Variants in PLEKHM2 observed in about 807,000 individuals in gnomAD.
PLEKHM2 encodes pleckstrin homology and RUN domain containing M2.
In PLEKHM2, 77 loss-of-function variants were observed where a neutral mutation model predicts 116.3. That is an observed-to-expected ratio of 0.66 (90% CI 0.55 to 0.80). The LOEUF (loss-of-function observed/expected upper bound fraction) is 0.80. Ranked by LOEUF, PLEKHM2 falls within the 30% of genes least tolerant of loss-of-function variation. The pLI, the probability that PLEKHM2 is intolerant of heterozygous loss-of-function variation, is 0.00. For synonymous variants in PLEKHM2, 562 were observed against 571.0 expected, an observed-to-expected ratio of 0.98 and a Z score of 0.22; for missense variants, 1,183 against 1,354.9, an observed-to-expected ratio of 0.87 and a Z score of 1.99.
chr1:15,729,775 A>G lies in PLEKHM2; in HGVS notation c.2076-22A>G. Reference sequence around the variant, plus strand: ...AGGCCCTGTTCCCAGGCCTCTAACCACAAACCTCACTCCCTATGCAGGTTC... The same window carrying G: ...AGGCCCTGTTCCCAGGCCTCTAACCGCAAACCTCACTCCCTATGCAGGTTC... On this transcript the variant is annotated intron_variant, in intron 13 of 19. Coordinates refer to ENST00000375799, the MANE Select transcript of PLEKHM2 (RefSeq NM_015164.4). This position sits in a 1 kb window ranked among gnomAD's most constrained non-coding sequence, Gnocchi z 4.7. 4 of 1,601,954 alleles carry G rather than the reference A, an allele frequency of 2.5e-6. 1 individual carries two copies. The highest frequency in any genetic ancestry group is 3.4e-6 in the Non-Finnish European group (4 of 1,174,918).
chr1:15,699,050 C>T (rs1220437089), intron 1 of PLEKHM2, among the ~76,000 whole-genome samples: 6 of 152,042 alleles, frequency 3.9e-5, no homozygotes, highest in African/African-American at 4.8e-5. Context: ...GTAGGCTTGA[C>T]GCAGTGGCTC....
chr1:15,684,278 G>A (rs1640708753), upstream of PLEKHM2: 2 of 152,794 alleles, frequency 1.3e-5, no homozygotes, highest in African/African-American at 2.4e-5. Context: ...CCCTGGCGCC[G>A]CCCCGCCTGA....
chr1:15,724,030 G>A (rs2068028866), intron 7 of PLEKHM2, among the ~76,000 whole-genome samples: 1 of 152,180 alleles, frequency 6.6e-6, no homozygotes, highest in Non-Finnish European at 1.5e-5. Context: ...CTGGCCGTAT[G>A]GGCTGTGTGC....
chr1:15,728,707 T>C lies in PLEKHM2; in HGVS notation c.1960T>C (p.Ser654Pro), dbSNP rs770771715. 6.2e-7 allele frequency: 1 copy of C among 1,611,606 alleles called. No individual in the cohort carries two copies. Among genetic ancestry groups the C allele is most frequent in the Non-Finnish European group, 8.5e-7 (1 of 1,178,890 alleles). The change falls in exon 12 of 20, where the codon TCT (serine) becomes CCT (proline). Residue 654 changes from serine to proline, a missense_variant. By Grantham distance (74) the Ser-to-Pro change is moderately conservative. Coordinates refer to ENST00000375799, the MANE Select transcript of PLEKHM2 (RefSeq NM_015164.4). This position sits in a 1 kb window ranked among gnomAD's most constrained non-coding sequence, Gnocchi z 5.9. ...GCCATACCTGGTGGAAGAGGCCGTTTCTTACAATGAACTTGACTATGTGTC... is the reference window on the plus strand; with the variant it reads ...GCCATACCTGGTGGAAGAGGCCGTTCCTTACAATGAACTTGACTATGTGTC... ...EKPYLVEEAV[S>P]YNELDYVSVG...
chr1:15,730,065 CGGGGCGGGGCGGGG>C, intron 14 of PLEKHM2, 136 bp downstream of exon 14: 1 of 43,436 alleles, frequency 2.3e-5, no homozygotes, highest in South Asian at 2.8e-4. Context: ...CGGGGCGGGG[CGGGGCGGGGCGGGG>C]CTTTCCCACC....
At position 15,721,142 on chromosome 1, in the gene PLEKHM2, G is replaced by A. The variant is rs867607273; in HGVS notation, c.653-187G>A. On this transcript the variant is annotated intron_variant, in intron 6 of 19. Coordinates refer to ENST00000375799, the MANE Select transcript of PLEKHM2 (RefSeq NM_015164.4). This position sits in a 1 kb window ranked among gnomAD's most constrained non-coding sequence, Gnocchi z 5.1. ...GCTGGTTGGAGGCTCCTGGGCCAGC[G>A]CCTGAGCTGAGAGGCAGTCAGGGCC... The A allele has an allele frequency of 1.2e-5, 7 of 570,054 alleles. No individual in the cohort carries two copies. Among genetic ancestry groups the A allele is most frequent in the East Asian group, 5.9e-5 (2 of 33,748 alleles). 35.3% of individuals were successfully genotyped at this position (570,054 alleles called of 1,614,324 possible). A position where few individuals can be genotyped will look rare whatever the true frequency, so the allele number is the denominator to read the frequency against.
chr1:15,712,074 C>T (rs574572978), intron 1 of PLEKHM2, among the ~76,000 whole-genome samples: 15 of 147,226 alleles, frequency 1.0e-4, no homozygotes, highest in East Asian at 8.0e-4. Flanking sequence ...GCCGAGATCA[C>T]GCCACTGCAC....
chr1:15,689,258 A>T (rs547943975), intron 1 of PLEKHM2, among the ~76,000 whole-genome samples: 3 of 151,514 alleles, frequency 2.0e-5, no homozygotes, highest in African/African-American at 7.3e-5. Flanking sequence ...AAAAAAAAAA[A>T]AAAGAAAGAA....
At chr1:15,710,415 A>G (rs1039775855) in intron 1 of PLEKHM2, among the ~76,000 whole-genome samples, 1 of 149,492 alleles carries the variant, frequency 6.7e-6, no homozygotes, top group East Asian at 2.0e-4. Flanking sequence ...GCAACCTCCA[A>G]CTCCCGAGTT....
In PLEKHM2 at chr1:15,728,994, C is replaced by T. The variant is rs1269490595; in HGVS notation, c.1987-108C>T. The T allele has an allele frequency of 1.9e-6, 2 of 1,032,746 alleles. No individual in the cohort carries two copies. Among genetic ancestry groups the T allele is most frequent in the Admixed American group, 4.1e-5 (2 of 49,382 alleles). The allele number at this position is 1,032,746 out of a possible 1,614,324, so 64.0% of individuals were successfully genotyped here. A position where few individuals can be genotyped will look rare whatever the true frequency, so the allele number is the denominator to read the frequency against. On this transcript the variant is annotated intron_variant, in intron 12 of 19. Coordinates refer to ENST00000375799, the MANE Select transcript of PLEKHM2 (RefSeq NM_015164.4). The surrounding 1 kb of genome is among the most constrained non-coding windows in gnomAD (Gnocchi z 5.9). Reference sequence around the variant, plus strand: ...CTCTGGGGCTTTACTTGGTGGTGGCCCGGGGTGTGCTTCTTCCTCCCCAGC... The same window carrying T: ...CTCTGGGGCTTTACTTGGTGGTGGCTCGGGGTGTGCTTCTTCCTCCCCAGC...
chr1:15,724,933 A>G (rs564394580), intron 7 of PLEKHM2, among the ~76,000 whole-genome samples: 186 of 152,116 alleles, frequency 1.2e-3, no homozygotes, highest in Non-Finnish European at 2.0e-3. Flanking sequence ...AGGGTAACCT[A>G]AGAGGCGTGC....
At chr1:15,709,018 C>T (rs975095934) in intron 1 of PLEKHM2, among the ~76,000 whole-genome samples, 3 of 152,078 alleles carry the variant, frequency 2.0e-5, no homozygotes, top group Admixed American at 6.6e-5. Context: ...ACAAGGAAAA[C>T]GAGTTTCGAG....
Position 15,734,028 on chromosome 1 carries a change from T to A in PLEKHM2, c.*94T>A. 4 of 1,387,604 alleles carry A rather than the reference T, an allele frequency of 2.9e-6. No homozygotes were observed. Among genetic ancestry groups the A allele is most frequent in the Non-Finnish European group, 3.9e-6 (4 of 1,029,644 alleles). 86.0% of individuals were successfully genotyped at this position (1,387,604 alleles called of 1,614,324 possible). A position where few individuals can be genotyped will look rare whatever the true frequency, so the allele number is the denominator to read the frequency against. ...GGCTGTTGTCATGCTGTCGGGAGCCTACAGTCCACCCCTGCCCTGGGCGGC... is the reference window on the plus strand; with the variant it reads ...GGCTGTTGTCATGCTGTCGGGAGCCAACAGTCCACCCCTGCCCTGGGCGGC... On this transcript the variant is annotated 3_prime_UTR_variant, in exon 20 of 20. Transcript: ENST00000375799.
intron 14 of PLEKHM2, 39 bp from the exon 15 acceptor site, chr1:15,730,493 C>T (rs1318957397): frequency 4.1e-6 from 6 of 1,481,192 alleles, no homozygotes; most frequent in Admixed American, 4.5e-5. Flanking sequence ...CTGGCCCAGG[C>T]CTTACTTGCT....
Position 15,719,728 on chromosome 1 carries a change from C to T in PLEKHM2, c.466-6C>T. On this transcript the variant is annotated splice_region_variant and splice_polypyrimidine_tract_variant and intron_variant, in intron 5 of 19. Transcript: ENST00000375799. The surrounding 1 kb of genome is among the most constrained non-coding windows in gnomAD (Gnocchi z 4.1). ...ACCAAACGGGCCTCCTCTACTCTCT[C>T]CTCAGGATGCCCCTTACCTAGACCT... 1 of 1,608,104 alleles carries T rather than the reference C, an allele frequency of 6.2e-7. No individual in the cohort carries two copies. The highest frequency in any genetic ancestry group is 1.7e-5 in the Admixed American group (1 of 59,594).
Position 15,725,518 on chromosome 1 carries a change from A to T in PLEKHM2, c.914A>T (p.Asp305Val), listed in dbSNP as rs758071508. ...KEEAQALDPP[D>V]ACTELEVIRV... ...GAGGCCCAGGCCCTGGACCCGCCGG[A>T]TGCCTGCACGGAGCTCGAGGTCATC... The change falls in exon 8 of 20, where the codon GAT becomes GTT. Residue 305 changes from aspartate to valine, a missense_variant. By Grantham distance (152) the Asp-to-Val change is radical (BLOSUM62 -3). Transcript: ENST00000375799. The T allele has an allele frequency of 1.1e-5, 18 of 1,572,660 alleles. No homozygotes were observed. Among genetic ancestry groups the T allele is most frequent in the African/African-American group, 2.7e-5 (2 of 73,700 alleles).
chr1:15,698,493 C>A (rs1192643573), intron 1 of PLEKHM2, among the ~76,000 whole-genome samples: 1 of 151,876 alleles, frequency 6.6e-6, no homozygotes, highest in Admixed American at 6.6e-5. Flanking sequence ...GTGTGAGCCA[C>A]CACTCCCAGC....
At chr1:15,682,711 G>A (rs556720124), upstream of PLEKHM2, among the ~76,000 whole-genome samples, 3 of 152,056 alleles carry the variant, frequency 2.0e-5, no homozygotes, top group South Asian at 2.1e-4. Flanking sequence ...GCTGGGGAGC[G>A]ACCTTTGGAG....
intron 7 of PLEKHM2, 75 bp from the exon 8 acceptor site, chr1:15,725,242 G>A: frequency 9.3e-7 from 1 of 1,078,346 alleles, no homozygotes; most frequent in Non-Finnish European, 1.4e-6. Flanking sequence ...TCCCTCCTGG[G>A]CTAACGCATG....
Sources: gnomAD v4.1 joint callset for allele counts (sites outside exome capture counted in the v4.1 genomes callset) on GRCh38, gnomAD v4.1.1 for gene constraint, Gnocchi (gnomAD v3.1) non-coding constraint, MANE v1.5 for transcripts, NCBI Gene and HGNC (gene_info 2026-07-23, HGNC 2026-07-21) for gene names.